PCNT: variants seen among roughly 807,000 people sequenced by gnomAD.
The protein encoded by PCNT is kendrin.
Under a neutral mutation model 380.4 loss-of-function variants are expected in PCNT, and 319 were observed. That is an observed-to-expected ratio of 0.84 (90% CI 0.77 to 0.92). PCNT has a LOEUF of 0.92. Ranked by LOEUF, PCNT falls within the 40% of genes least tolerant of loss-of-function variation. The pLI, the probability that PCNT is intolerant of heterozygous loss-of-function variation, is 0.00. For synonymous variants in PCNT, 1,845 were observed against 1,735.2 expected, an observed-to-expected ratio of 1.06 and a Z score of -1.57; for missense variants, 4,400 against 4,255.3, an observed-to-expected ratio of 1.03 and a Z score of -0.95.
At chr21:46,401,771 G>A in intron 26 of PCNT, 50 bp downstream of exon 26, 5 of 1,584,742 alleles carry the variant, frequency 3.2e-6, no homozygotes, top group Non-Finnish European at 4.3e-6. Flanking sequence ...TCAGTGTCCA[G>A]TGGGCTTCTC....
chr21:46,409,798 C>A (rs8129435), intron 27 of PCNT, among the ~76,000 whole-genome samples: 4 of 151,610 alleles, frequency 2.6e-5, no homozygotes, highest in Non-Finnish European at 5.9e-5. Flanking sequence ...TGCACCGTGT[C>A]GGCCAGGCTG....
chr21:46,348,993 T>G lies in PCNT; in HGVS notation c.1033-19T>G. 2.7e-6 allele frequency: 4 copies of G among 1,483,144 alleles called. No homozygotes were observed. Among genetic ancestry groups the G allele is most frequent in the Non-Finnish European group, 3.8e-6 (4 of 1,062,308 alleles). 91.9% of individuals were successfully genotyped at this position (1,483,144 alleles called of 1,614,324 possible). A position where few individuals can be genotyped will look rare whatever the true frequency, so the allele number is the denominator to read the frequency against. Reference sequence around the variant, plus strand: ...AGATAATCAACTATTGAGTTTAATTTTTTTTTCTTTTAAATTAGACCCTGA... The same window carrying G: ...AGATAATCAACTATTGAGTTTAATTGTTTTTTCTTTTAAATTAGACCCTGA... On this transcript the variant is annotated intron_variant, in intron 6 of 46. Coordinates refer to ENST00000359568, the MANE Select transcript of PCNT (RefSeq NM_006031.6).
intron 15 of PCNT, among the ~76,000 whole-genome samples, chr21:46,374,837 A>T (rs933418691): frequency 6.8e-6 from 1 of 146,394 alleles, no homozygotes; most frequent in South Asian, 2.3e-4. Context: ...CAACAAGAGC[A>T]AAACTTCGTC....
chr21:46,335,331 A>G (rs1007125231), intron 3 of PCNT, among the ~76,000 whole-genome samples: 1 of 152,112 alleles, frequency 6.6e-6, no homozygotes, highest in African/African-American at 2.4e-5. Context: ...TTTTATTGAC[A>G]TGTTTTTTGT....
At chr21:46,407,946 A>G (rs1312714008) in intron 27 of PCNT, among the ~76,000 whole-genome samples, 1 of 152,108 alleles carries the variant, frequency 6.6e-6, no homozygotes, top group Non-Finnish European at 1.5e-5. Flanking sequence ...GCTTTTTCAG[A>G]TAGAACCTTA....
At chr21:46,352,603 C>T (rs1373110120) in intron 9 of PCNT, among the ~76,000 whole-genome samples, 1 of 152,208 alleles carries the variant, frequency 6.6e-6, no homozygotes, top group Non-Finnish European at 1.5e-5. Context: ...CTTTTAGGGT[C>T]CGTGTTGCTT....
intron 25 of PCNT, 76 bp from the exon 26 acceptor site, chr21:46,401,475 G>A (rs2086425114): frequency 8.4e-7 from 1 of 1,188,712 alleles, no homozygotes; most frequent in African/African-American, 1.5e-5. Flanking sequence ...AAGATGGTCT[G>A]TGCTTTAACA....
chr21:46,372,912 A>G (rs146914789), intron 15 of PCNT, among the ~76,000 whole-genome samples: 123 of 152,322 alleles, frequency 8.1e-4, no homozygotes, highest in African/African-American at 2.8e-3. Flanking sequence ...GACTCATGCT[A>G]AAGAAATTCT....
chr21:46,385,705 C>T, intron 16 of PCNT, 127 bp from the exon 17 acceptor site: 1 of 1,007,536 alleles, frequency 9.9e-7, no homozygotes, highest in Non-Finnish European at 1.6e-6. Flanking sequence ...TCCTTTTGCC[C>T]CATCACCAAG....
intron 16 of PCNT, among the ~76,000 whole-genome samples, chr21:46,383,701 C>T (rs1457954393): frequency 6.9e-6 from 1 of 145,116 alleles, no homozygotes; most frequent in East Asian, 2.1e-4. Context: ...GTGGCGGAAG[C>T]GCATTCACAG....
rs764975231 is a variant in PCNT at position 46,347,015 on chromosome 21, C to T, written c.976+17C>T. 2.1e-5 allele frequency: 34 copies of T among 1,587,612 alleles called. No homozygotes were observed. The highest frequency in any genetic ancestry group is 2.3e-5 in the Non-Finnish European group (27 of 1,169,724). ...AGGAAGCAGGTACTGCATGGCTAGG[C>T]GGGCACGGGCAGCGTGTGGGCTCGG... On this transcript the variant is annotated intron_variant, in intron 5 of 46. Coordinates refer to ENST00000359568, the MANE Select transcript of PCNT (RefSeq NM_006031.6).
At chr21:46,399,276 T>TCTCC (rs1569252671) in intron 24 of PCNT, among the ~76,000 whole-genome samples, 2 of 150,110 alleles carry the variant, frequency 1.3e-5, no homozygotes, top group Non-Finnish European at 1.5e-5. Context: ...TGGGTCTGGG[T>TCTCC]CTCTGTTCAG....
chr21:46,356,447 C>T (rs2084480892), intron 12 of PCNT, among the ~76,000 whole-genome samples: 1 of 152,268 alleles, frequency 6.6e-6, no homozygotes, highest in Non-Finnish European at 1.5e-5. Context: ...GGTGCCTGGC[C>T]AGCACCTAGT....
At position 46,430,247 on chromosome 21, in the gene PCNT, C is replaced by T. The variant is rs2087692247; in HGVS notation, c.7913+15C>T. ...CTCCAGCTGAGGTGCGCCTGATCCC[C>T]CTTCCTGGGACACTGGCGGGAGTCC... is the stretch of plus-strand genomic sequence containing the variant. On this transcript the variant is annotated intron_variant, in intron 36 of 46. Transcript: ENST00000359568. 1.9e-6 allele frequency: 3 copies of T among 1,605,832 alleles called. No homozygotes were observed. The highest frequency in any genetic ancestry group is 1.1e-5 in the South Asian group (1 of 90,814).
intron 11 of PCNT, 47 bp downstream of exon 11, chr21:46,354,115 C>T (rs1305146609): frequency 4.0e-6 from 6 of 1,490,970 alleles, no homozygotes; most frequent in African/African-American, 1.4e-5. Context: ...TGCTCTTGAC[C>T]TTCCAGCCCT....
chr21:46,397,480 C>A lies in PCNT; in HGVS notation c.4432C>A (p.Arg1478=), dbSNP rs549834885. 6.2e-7 allele frequency: 1 copy of A among 1,613,500 alleles called. No homozygotes were observed. The highest frequency in any genetic ancestry group is 1.1e-5 in the South Asian group (1 of 91,084). Reference sequence around the variant, plus strand: ...TCTGGACAAGCATTTGCGCAACCAGCGGCAATTCATGGATGTAAGAATTCT... The same window carrying A: ...TCTGGACAAGCATTTGCGCAACCAGAGGCAATTCATGGATGTAAGAATTCT... ...ASLDKHLRNQ[R]QFMDEQAAER... is the part of the protein sequence containing the mutation. The change falls in exon 22 of 47, where the codon CGG becomes AGG. Residue 1478 remains arginine, a synonymous_variant. Coordinates refer to ENST00000359568, the MANE Select transcript of PCNT (RefSeq NM_006031.6).
In PCNT at chr21:46,363,480, G is replaced by A; in HGVS notation, c.2155G>A (p.Val719Ile). The change falls in exon 14 of 47, where the codon GTA (valine) becomes ATA (isoleucine). Residue 719 changes from valine to isoleucine, a missense_variant and splice_region_variant. Transcript: ENST00000359568. ...CTAAATGAAATTATGTTGTCTGTAG[G>A]TAAAACACAATCTAATTGAAGACCA... ...ETRLKDDLEKVKHNLIEDHQK... is the reference protein window; with the variant it reads ...ETRLKDDLEKIKHNLIEDHQK... The A allele has an allele frequency of 6.2e-7, 1 of 1,609,742 alleles. No individual in the cohort carries two copies. The highest frequency in any genetic ancestry group is 8.5e-7 in the Non-Finnish European group (1 of 1,176,348).
chr21:46,325,201 C>T (rs1434720394), intron 1 of PCNT: 17 of 985,360 alleles, frequency 1.7e-5, no homozygotes, highest in African/African-American at 1.4e-4. Context: ...AGCAGGCCGG[C>T]CTCTGCGAGG....
At chr21:46,352,924 T>G (rs2084327759) in intron 9 of PCNT, among the ~76,000 whole-genome samples, 180 bp from the exon 10 acceptor site, 1 of 152,142 alleles carries the variant, frequency 6.6e-6, no homozygotes, top group African/African-American at 2.4e-5. Flanking sequence ...TGGAGAGAGC[T>G]CTCCACATTC....
Sources: gnomAD v4.1 joint callset for allele counts (sites outside exome capture counted in the v4.1 genomes callset) on GRCh38, gnomAD v4.1.1 for gene constraint, MANE v1.5 for transcripts, NCBI Gene and HGNC (gene_info 2026-07-23, HGNC 2026-07-21) for gene names.